Variants in GAREM1 observed in about 807,000 individuals in gnomAD.
GAREM1 encodes GRB2 associated regulator of MAPK1 subtype 1, also known as GRB2-associated and regulator of MAPK protein 1.
GAREM1 carries 26 observed loss-of-function variants against 71.3 expected under a neutral mutation model. The ratio of observed to expected loss-of-function variants is 0.36; its 90% CI spans 0.27 to 0.51. GAREM1 has a LOEUF of 0.51. Among genes scored for constraint, GAREM1 ranks in the 20% least tolerant of loss-of-function variants. The pLI is 0.95. For synonymous variants in GAREM1, 440 were observed against 433.2 expected (o/e 1.02, Z -0.20); for missense variants, 1,026 against 1,103.1 (o/e 0.93, Z 0.99).
At chr18:32,269,332 C>T (rs2041423456) in intron 5 of GAREM1, among the ~76,000 whole-genome samples, 1 of 152,146 alleles carries the variant, frequency 6.6e-6, no homozygotes, top group African/African-American at 2.4e-5. Flanking sequence ...GTCCAGAGAA[C>T]AAAAAGTACC....
intron 2 of GAREM1, among the ~76,000 whole-genome samples, chr18:32,336,337 G>A (rs1445194251): frequency 1.3e-5 from 2 of 151,824 alleles, no homozygotes; most frequent in South Asian, 2.1e-4. Context: ...TGCTGAGGCA[G>A]GAGAATGGCG....
chr18:32,349,368 C>G (rs890332271), intron 2 of GAREM1, among the ~76,000 whole-genome samples: 1 of 152,120 alleles, frequency 6.6e-6, no homozygotes, highest in Non-Finnish European at 1.5e-5. Context: ...CAAAAACCGT[C>G]TGGATTTTCT....
chr18:32,365,721 C>T (rs999018076), intron 2 of GAREM1, among the ~76,000 whole-genome samples: 16 of 152,180 alleles, frequency 1.1e-4, no homozygotes, highest in Admixed American at 3.9e-4. Context: ...AACTCTGCCA[C>T]CAGCACTTCA....
intron 3 of GAREM1, among the ~76,000 whole-genome samples, chr18:32,290,642 GAAAAAAAAAAAAAA>G: frequency 1.3e-5 from 1 of 75,644 alleles, no homozygotes; most frequent in East Asian, 4.7e-4. Context: ...CAGACTGTCT[GAAAAAAAAAAAAAA>G]AAAAGAAAAA....
At chr18:32,453,976 G>T (rs755411577) in intron 1 of GAREM1, among the ~76,000 whole-genome samples, 4 of 152,010 alleles carry the variant, frequency 2.6e-5, no homozygotes, top group African/African-American at 9.7e-5. Context: ...GAATCTATAG[G>T]GGGGTGGGGT....
intron 1 of GAREM1, among the ~76,000 whole-genome samples, chr18:32,444,480 G>A (rs1226249387): frequency 6.6e-6 from 1 of 152,022 alleles, no homozygotes; most frequent in Non-Finnish European, 1.5e-5. Context: ...GGTTTCAACG[G>A]GATGATTCTA....
intron 2 of GAREM1, among the ~76,000 whole-genome samples, chr18:32,332,099 C>G (rs1410979468): frequency 1.3e-5 from 2 of 151,634 alleles, no homozygotes; most frequent in African/African-American, 4.9e-5. Flanking sequence ...CTTGCGTCCT[C>G]TTCCTCTTTT....
intron 1 of GAREM1, among the ~76,000 whole-genome samples, chr18:32,452,852 C>CAT (rs773001578): frequency 8.6e-6 from 1 of 116,088 alleles, no homozygotes; most frequent in East Asian, 3.4e-4. Context: ...ATAACTTCTA[C>CAT]GTTTTTTTTT....
intron 1 of GAREM1, among the ~76,000 whole-genome samples, chr18:32,394,213 A>C (rs1312266828): frequency 6.6e-6 from 1 of 152,136 alleles, no homozygotes; most frequent in Non-Finnish European, 1.5e-5. Flanking sequence ...ATGCCTGGGC[A>C]ACATGGCAAA....
intron 3 of GAREM1, among the ~76,000 whole-genome samples, chr18:32,293,716 C>T (rs941451324): frequency 6.6e-6 from 1 of 152,008 alleles, no homozygotes; most frequent in African/African-American, 2.4e-5. Context: ...TTATTCACTG[C>T]AAGAGGAAAA....
At chr18:32,427,245 A>T (rs1312567229) in intron 1 of GAREM1, among the ~76,000 whole-genome samples, 1 of 152,192 alleles carries the variant, frequency 6.6e-6, no homozygotes, top group Non-Finnish European at 1.5e-5. Context: ...CTACGTCATT[A>T]AGTGGCTCAG....
rs190873802 is a variant in GAREM1 at position 32,382,444 on chromosome 18, G to A, written c.262+10451C>T. On this transcript the variant is annotated intron_variant, in intron 2 of 5. Coordinates refer to ENST00000269209, the MANE Select transcript of GAREM1 (RefSeq NM_001242409.2). ...TGAGCCCTCCAAGCAGTAGACACAG[G>A]CGGGAACAAGGCAGGGCAAAGCCTA... 7.7e-4 allele frequency among the ~76,000 whole-genome samples: 117 copies of A among 152,146 alleles called. 1 individual carries two copies. The East Asian group carries it at 0.018, about 24-fold the overall frequency.
intron 1 of GAREM1, among the ~76,000 whole-genome samples, chr18:32,395,915 G>A (rs1410529465): frequency 6.6e-6 from 1 of 152,216 alleles, no homozygotes; most frequent in Non-Finnish European, 1.5e-5. Flanking sequence ...GCACCCCTGA[G>A]TAGGGGCAGA....
At position 32,268,345 on chromosome 18, in the gene GAREM1, A is replaced by G. The variant is rs774409811; in HGVS notation, c.2157T>C (p.Ser719=). 6.8e-6 allele frequency: 11 copies of G among 1,613,926 alleles called. No homozygotes were observed. Among genetic ancestry groups the G allele is most frequent in the Non-Finnish European group, 9.3e-6 (11 of 1,180,004 alleles). ...KSLAAGVTKQ[S]TSCPALPPRA... is the part of the protein sequence containing the mutation. ...TGGGGGGTAAGGCAGGGCATGACGT[A>G]CTCTGCTTTGTCACACCAGCTGCAA... The change falls in exon 6 of 6, where the codon AGT becomes AGC. Residue 719 remains serine (S), a synonymous_variant. Transcript: ENST00000269209.
intron 1 of GAREM1, among the ~76,000 whole-genome samples, chr18:32,423,250 CTGT>C (rs1172542726): frequency 2.0e-5 from 3 of 152,164 alleles, no homozygotes; most frequent in Non-Finnish European, 2.9e-5. Context: ...CTTTCAGAAA[CTGT>C]TATGAGGATT....
At chr18:32,328,874 T>C (rs1198794699) in intron 2 of GAREM1, among the ~76,000 whole-genome samples, 1 of 152,124 alleles carries the variant, frequency 6.6e-6, no homozygotes, top group Non-Finnish European at 1.5e-5. Context: ...GGTGACAGAA[T>C]AGAAGATATT....
intron 2 of GAREM1, among the ~76,000 whole-genome samples, chr18:32,334,074 G>C (rs1406576033): frequency 6.6e-6 from 1 of 152,180 alleles, no homozygotes; most frequent in Middle Eastern, 3.2e-3. Context: ...TGACATTGCA[G>C]TCGGAAAGAA....
At chr18:32,394,316 C>T (rs142148911) in intron 1 of GAREM1, among the ~76,000 whole-genome samples, 40 of 152,188 alleles carry the variant, frequency 2.6e-4, no homozygotes, top group African/African-American at 9.2e-4. Flanking sequence ...ATAGGAGGAT[C>T]GCTTGAGCCC....
intron 1 of GAREM1, among the ~76,000 whole-genome samples, chr18:32,446,195 T>G (rs1174446750): frequency 1.3e-5 from 2 of 151,878 alleles, no homozygotes; most frequent in African/African-American, 4.8e-5. Context: ...AAATAGTCTA[T>G]CCATTTCTCA....
Sources: gnomAD v4.1 joint callset for allele counts (sites outside exome capture counted in the v4.1 genomes callset) on GRCh38, gnomAD v4.1.1 for gene constraint, MANE v1.5 for transcripts, NCBI Gene and HGNC (gene_info 2026-07-23, HGNC 2026-07-21) for gene names.